Variants in MAGT1 observed in about 807,000 individuals in gnomAD.
The protein encoded by MAGT1 is magnesium transporter 1, also known as dolichyl-diphosphooligosaccharide--protein glycosyltransferase subunit MAGT1.
Under a neutral mutation model 28.4 loss-of-function variants are expected in MAGT1, and 4 were observed. That is an observed-to-expected ratio of 0.14 (90% CI 0.07 to 0.32). The LOEUF (loss-of-function observed/expected upper bound fraction) is 0.32. Ranked by LOEUF, MAGT1 falls within the 10% of genes least tolerant of loss-of-function variation. The pLI is 1.00. For synonymous variants in MAGT1, 89 were observed against 89.7 expected, an observed-to-expected ratio of 0.99 and a Z score of 0.04; for missense variants, 193 against 264.5, an observed-to-expected ratio of 0.73 and a Z score of 1.88.
At chrX:77,846,232 T>C (rs2076951169) in intron 7 of MAGT1, among the ~76,000 whole-genome samples, 1 of 112,273 alleles carries the variant, frequency 8.9e-6, no homozygotes, top group Non-Finnish European at 1.9e-5. Context: ...AATCGGCTAC[T>C]GAGGCTTCTG....
rs1311455229 is a variant in MAGT1, at chrX:77,863,059, C to T, written c.391-5562G>A. Among the ~76,000 whole-genome samples the T allele has an allele frequency of 2.7e-5, 3 of 109,592 alleles. No homozygotes were observed. The East Asian group carries it at 8.6e-4, about 32-fold the overall frequency. On this transcript the variant is annotated intron_variant, in intron 3 of 9. Transcript: ENST00000618282. The stretch of plus-strand genomic sequence containing the variant: ...ATGTGCGCCTGTAATCCCAGCTGCT[C>T]AGGATACTGAGGCAGGAGAATCGCT...
At chrX:77,848,581 TTATAA>T (rs782635045) in intron 7 of MAGT1, among the ~76,000 whole-genome samples, 12 of 112,089 alleles carry the variant, frequency 1.1e-4, no homozygotes, top group African/African-American at 3.6e-4. Context: ...TAGAAAATGC[TTATAA>T]TATATTAAGA....
intron 8 of MAGT1, among the ~76,000 whole-genome samples, chrX:77,833,082 A>C (rs1203602012): frequency 8.9e-6 from 1 of 112,014 alleles, no homozygotes; most frequent in Non-Finnish European, 1.9e-5. Flanking sequence ...TTTCAATGTG[A>C]AAATAAAACA....
intron 1 of MAGT1, among the ~76,000 whole-genome samples, chrX:77,877,491 A>C (rs1348185775): frequency 1.9e-5 from 2 of 104,615 alleles, no homozygotes; most frequent in East Asian, 5.9e-4. Context: ...ACACTGTCTC[A>C]AAAAAAAAAA....
At chrX:77,832,035 T>C (rs2076900070) in intron 8 of MAGT1, among the ~76,000 whole-genome samples, 1 of 111,919 alleles carries the variant, frequency 8.9e-6, no homozygotes, top group African/African-American at 3.2e-5. Flanking sequence ...GCCTTATATA[T>C]GTAACTCAAT....
chrX:77,850,524 T>C (rs1557215434), intron 7 of MAGT1, among the ~76,000 whole-genome samples: 1 of 106,179 alleles, frequency 9.4e-6, no homozygotes, highest in Non-Finnish European at 1.9e-5. Context: ...TTTCTAATAT[T>C]CCTTACCTCT....
At chrX:77,875,017 G>A (rs1481962348) in intron 2 of MAGT1, among the ~76,000 whole-genome samples, 1 of 109,104 alleles carries the variant, frequency 9.2e-6, no homozygotes, top group Non-Finnish European at 1.9e-5. Context: ...ACAATGCCTA[G>A]CTAATTTTTG....
intron 8 of MAGT1, among the ~76,000 whole-genome samples, chrX:77,837,986 T>C (rs2076924267): frequency 8.9e-6 from 1 of 111,866 alleles, no homozygotes; most frequent in Admixed American, 9.6e-5. Flanking sequence ...GTGATCCACC[T>C]GCCTTGGCTT....
chrX:77,841,532 G>T (rs981967617), intron 7 of MAGT1, among the ~76,000 whole-genome samples: 3 of 111,770 alleles, frequency 2.7e-5, no homozygotes, highest in Non-Finnish European at 5.6e-5. Context: ...TACTTCATTT[G>T]TGCAAAGAAA....
chrX:77,844,790 T>G (rs1361525487), intron 7 of MAGT1, among the ~76,000 whole-genome samples: 2 of 111,940 alleles, frequency 1.8e-5, no homozygotes, highest in Non-Finnish European at 3.8e-5. Flanking sequence ...CTAGTTTGAT[T>G]GCACCGTGGT....
intron 3 of MAGT1, 114 bp from the exon 4 acceptor site, chrX:77,857,611 G>A: frequency 2.2e-6 from 2 of 924,705 alleles, no homozygotes; most frequent in South Asian, 4.1e-5. Flanking sequence ...GTTTAGGTAG[G>A]TTAAGTGATT....
At chrX:77,832,406 GAA>G (rs200980846) in intron 8 of MAGT1, among the ~76,000 whole-genome samples, 3 of 99,880 alleles carry the variant, frequency 3.0e-5, no homozygotes, top group African/African-American at 7.2e-5. Flanking sequence ...CTGATAAGCT[GAA>G]AAAAAAAAAA....
At chrX:77,829,865 T>C (rs2076892890) in intron 9 of MAGT1, among the ~76,000 whole-genome samples, 2 of 112,247 alleles carry the variant, frequency 1.8e-5, no homozygotes, top group African/African-American at 6.5e-5. Flanking sequence ...TGTGAATAGA[T>C]AATGGCATAA....
In MAGT1 at chrX:77,828,555, A is replaced by C. The variant is rs782533977; in HGVS notation, c.*665T>G. The C allele has an allele frequency of 1.3e-4, 14 of 111,125 alleles. No individual in the cohort carries two copies. The highest frequency in any genetic ancestry group is 2.6e-4 in the Non-Finnish European group (14 of 53,172). 9.2% of individuals were successfully genotyped at this position (111,125 alleles called of 1,213,427 possible). A position where few individuals can be genotyped will look rare whatever the true frequency, so the allele number is the denominator to read the frequency against. ...GCACTCCAGCCTGTGTGACACAGCG[A>C]GACCGTCTCAAAAAAACAACAAAAC... On this transcript the variant is annotated 3_prime_UTR_variant, in exon 10 of 10. Transcript: ENST00000618282.
At chrX:77,842,433 T>A (rs190287419) in intron 7 of MAGT1, among the ~76,000 whole-genome samples, 4 of 111,786 alleles carry the variant, frequency 3.6e-5, no homozygotes, top group South Asian at 3.7e-4. Flanking sequence ...CTTTATTTTT[T>A]AAATTTTTCC....
intron 8 of MAGT1, among the ~76,000 whole-genome samples, chrX:77,833,120 C>T (rs2076903827): frequency 1.8e-5 from 2 of 111,962 alleles, no homozygotes; most frequent in Non-Finnish European, 3.8e-5. Context: ...TATTACTAAA[C>T]AGAACTAACA....
chrX:77,873,433 C>G (rs944468574), intron 2 of MAGT1, among the ~76,000 whole-genome samples: 1 of 112,030 alleles, frequency 8.9e-6, no homozygotes, highest in Admixed American at 9.6e-5. Flanking sequence ...AAGTTAATTA[C>G]CAGATCAGAT....
At chrX:77,876,375 T>C (rs1475515787) in intron 1 of MAGT1, among the ~76,000 whole-genome samples, 1 of 108,245 alleles carries the variant, frequency 9.2e-6, no homozygotes, top group East Asian at 2.9e-4. Context: ...TTCCAAAGAA[T>C]GTTGAGTTAA....
At chrX:77,847,095 C>T (rs1183407581) in intron 7 of MAGT1, among the ~76,000 whole-genome samples, 1 of 112,317 alleles carries the variant, frequency 8.9e-6, no homozygotes, top group African/African-American at 3.2e-5. Flanking sequence ...TTCGAGCTTC[C>T]CGGCCACTTT....
Sources: gnomAD v4.1 joint callset for allele counts (sites outside exome capture counted in the v4.1 genomes callset) on GRCh38, gnomAD v4.1.1 for gene constraint, MANE v1.5 for transcripts, NCBI Gene and HGNC (gene_info 2026-07-23, HGNC 2026-07-21) for gene names.